PARD3: variants seen among roughly 807,000 people sequenced by gnomAD.
PARD3 encodes the protein par-3 family cell polarity regulator.
A neutral mutation model predicts 155.4 loss-of-function variants in PARD3; 75 were observed. The observed-to-expected ratio is 0.48, with a 90% confidence interval of 0.40 to 0.58. The LOEUF is 0.58. Among genes scored for constraint, PARD3 ranks in the 20% least tolerant of loss-of-function variants. The pLI is 0.00. For synonymous variants in PARD3, 576 were observed against 610.5 expected (o/e 0.94, Z 0.83); for missense variants, 1,642 against 1,721.7 (o/e 0.95, Z 0.82).
chr10:34,322,351 G>A (rs974822831), intron 19 of PARD3, among the ~76,000 whole-genome samples: 1 of 152,264 alleles, frequency 6.6e-6, no homozygotes, highest in East Asian at 1.9e-4. Flanking sequence ...AAAATGTTGG[G>A]TCTTTGGAGA....
rs546436157 is a variant in PARD3 at position 34,275,086 on chromosome 10, T to C, written c.3177-5187A>G. On this transcript the variant is annotated intron_variant, in intron 21 of 24. Transcript: ENST00000374788. ...AGCCCAGATCTCAGCTGCCTTCTTTTACCCAAATTTGTACATTATGACTAA... is the reference window on the plus strand; with the variant it reads ...AGCCCAGATCTCAGCTGCCTTCTTTCACCCAAATTTGTACATTATGACTAA... Among the ~76,000 whole-genome samples, 207 of 152,322 alleles carry C rather than the reference T, an allele frequency of 1.4e-3. 1 individual carries two copies. The Middle Eastern group carries it at 0.014, about 10-fold the overall frequency.
intron 2 of PARD3, among the ~76,000 whole-genome samples, chr10:34,683,769 C>T (rs2093891898): frequency 6.6e-6 from 1 of 152,106 alleles, no homozygotes; most frequent in South Asian, 2.1e-4. Flanking sequence ...CCTCACTTTT[C>T]ATGCAGGAGG....
At chr10:34,211,132 C>A (rs373382324) in intron 22 of PARD3, among the ~76,000 whole-genome samples, 2 of 152,154 alleles carry the variant, frequency 1.3e-5, no homozygotes, top group African/African-American at 2.4e-5. Context: ...TGAAACGCAC[C>A]GATAAACATT....
intron 1 of PARD3, among the ~76,000 whole-genome samples, chr10:34,734,536 C>T (rs948812617): frequency 2.0e-5 from 3 of 152,002 alleles, no homozygotes; most frequent in African/African-American, 4.8e-5. Context: ...GACGGGGTTT[C>T]ACTGTGTTAG....
rs949065359 is a variant in PARD3 at position 34,269,647 on chromosome 10, T to A, written c.3419+10A>T. 1 of 1,612,548 alleles carries A rather than the reference T, an allele frequency of 6.2e-7. No individual in the cohort carries two copies. On this transcript the variant is annotated intron_variant, in intron 22 of 24. Coordinates refer to ENST00000374788, the MANE Select transcript of PARD3 (RefSeq NM_001184785.2). Reference sequence around the variant, plus strand: ...TTGGAAGCAATACCACGATTGCCCCTGGCGCCTACCTGTCTACAGGTGAGG... The same window carrying A: ...TTGGAAGCAATACCACGATTGCCCCAGGCGCCTACCTGTCTACAGGTGAGG...
intron 7 of PARD3, among the ~76,000 whole-genome samples, chr10:34,392,075 T>C (rs1842916836): frequency 6.6e-6 from 1 of 152,106 alleles, no homozygotes; most frequent in Non-Finnish European, 1.5e-5. Context: ...GAGGATCACT[T>C]GAGCCTGGAG....
chr10:34,127,709 C>A (rs1190071670), intron 23 of PARD3, among the ~76,000 whole-genome samples: 1 of 152,280 alleles, frequency 6.6e-6, no homozygotes, highest in South Asian at 2.1e-4. Context: ...TAAGCTCAGG[C>A]GGGGCTGTGC....
intron 5 of PARD3, among the ~76,000 whole-genome samples, chr10:34,424,121 A>G (rs964363364): frequency 9.9e-5 from 15 of 152,216 alleles, no homozygotes; most frequent in African/African-American, 3.6e-4. Flanking sequence ...ATAATATAAT[A>G]CAAACATAAT....
At chr10:34,329,906 G>A (rs1051509168) in intron 19 of PARD3, among the ~76,000 whole-genome samples, 12 of 152,060 alleles carry the variant, frequency 7.9e-5, no homozygotes, top group African/African-American at 1.7e-4. Flanking sequence ...GTATATTAAC[G>A]TATATATACA....
At chr10:34,124,502 T>G (rs1266877521) in intron 23 of PARD3, among the ~76,000 whole-genome samples, 1 of 152,210 alleles carries the variant, frequency 6.6e-6, no homozygotes, top group African/African-American at 2.4e-5. Flanking sequence ...TTTTCTTCAG[T>G]AGACTTATGT....
At chr10:34,612,085 C>A (rs2090954332) in intron 2 of PARD3, among the ~76,000 whole-genome samples, 1 of 152,042 alleles carries the variant, frequency 6.6e-6, no homozygotes, top group Non-Finnish European at 1.5e-5. Flanking sequence ...CTCGGCCTCC[C>A]AAAGTGCTCG....
At chr10:34,661,302 TA>T (rs2093319946) in intron 2 of PARD3, among the ~76,000 whole-genome samples, 1 of 152,218 alleles carries the variant, frequency 6.6e-6, no homozygotes, top group Admixed American at 6.5e-5. Flanking sequence ...CTATAATTAA[TA>T]AAGGAACAGT....
At chr10:34,241,943 TTGAG>T (rs1274155485) in intron 22 of PARD3, among the ~76,000 whole-genome samples, 1 of 151,336 alleles carries the variant, frequency 6.6e-6, no homozygotes, top group Admixed American at 6.6e-5. Flanking sequence ...ATTGTGCATA[TTGAG>T]TCTCTTTTAA....
intron 22 of PARD3, among the ~76,000 whole-genome samples, chr10:34,154,510 G>A (rs1948913569): frequency 1.3e-5 from 2 of 152,142 alleles, no homozygotes; most frequent in Non-Finnish European, 2.9e-5. Flanking sequence ...TTTAAGATAA[G>A]CATCACCTGA....
intron 2 of PARD3, among the ~76,000 whole-genome samples, chr10:34,612,052 C>T (rs1052878269): frequency 1.1e-4 from 17 of 151,420 alleles, no homozygotes; most frequent in Admixed American, 8.6e-4. Context: ...GGTCTCGATC[C>T]CCTCACCTCG....
In PARD3 at chr10:34,814,995, TGCCGCC is replaced by T. The variant is rs747649647; in HGVS notation, c.-6_-1del. ...CGTCCGAAGCACACGGTCACTTTCA[TGCCGCC>T]GCCGCCGCGGGCGGGCCCGCGCCCC... On this transcript the variant is annotated 5_prime_UTR_variant, in exon 1 of 25. Coordinates refer to ENST00000374788, the MANE Select transcript of PARD3 (RefSeq NM_001184785.2). The T allele has an allele frequency of 4.0e-6, 6 of 1,485,970 alleles. No individual in the cohort carries two copies. Among genetic ancestry groups the T allele is most frequent in the African/African-American group, 2.9e-5 (2 of 68,348 alleles). The allele number at this position is 1,485,970 out of a possible 1,614,324, so 92.0% of individuals were successfully genotyped here. A position where few individuals can be genotyped will look rare whatever the true frequency, so the allele number is the denominator to read the frequency against.
At chr10:34,482,975 C>A (rs2079184845) in intron 3 of PARD3, among the ~76,000 whole-genome samples, 1 of 150,882 alleles carries the variant, frequency 6.6e-6, no homozygotes, top group East Asian at 1.9e-4. Flanking sequence ...ATGGAGAAAC[C>A]CTGTCTCTAC....
At chr10:34,612,351 T>G (rs1366035953) in intron 2 of PARD3, among the ~76,000 whole-genome samples, 5 of 152,200 alleles carry the variant, frequency 3.3e-5, no homozygotes, top group African/African-American at 1.2e-4. Context: ...ATACACACAT[T>G]TTCCCTATCA....
intron 2 of PARD3, among the ~76,000 whole-genome samples, chr10:34,522,649 T>C (rs548261050): frequency 2.2e-4 from 33 of 151,978 alleles, no homozygotes; most frequent in Non-Finnish European, 3.2e-4. Flanking sequence ...GGAATAGTAA[T>C]GGGAAAAAGA....
Sources: gnomAD v4.1 joint callset for allele counts (sites outside exome capture counted in the v4.1 genomes callset) on GRCh38, gnomAD v4.1.1 for gene constraint, MANE v1.5 for transcripts, NCBI Gene and HGNC (gene_info 2026-07-23, HGNC 2026-07-21) for gene names.